RAB43: variants seen among roughly 807,000 people sequenced by gnomAD.
The protein encoded by RAB43 is RAB43, member RAS oncogene family, also known as ras-related protein Rab-43.
A neutral mutation model predicts 18.8 loss-of-function variants in RAB43; 6 were observed. That is an observed-to-expected ratio of 0.32 (90% CI 0.17 to 0.63). RAB43 has a LOEUF of 0.63. Ranked by LOEUF, RAB43 falls within the 30% of genes least tolerant of loss-of-function variation. The pLI is 0.79. For missense variants in RAB43, 195 were observed against 289.1 expected (o/e 0.67, Z 2.36); for synonymous variants, 103 against 124.1 (o/e 0.83, Z 1.13).
intron 1 of RAB43, among the ~76,000 whole-genome samples, chr3:129,102,370 C>T (rs1462491840): frequency 1.3e-5 from 2 of 152,168 alleles, no homozygotes; most frequent in East Asian, 1.9e-4. Context: ...GTGGCTCACA[C>T]CTGTAATCCC....
intron 1 of RAB43, among the ~76,000 whole-genome samples, chr3:129,107,000 A>G (rs1319468686): frequency 6.6e-6 from 1 of 152,204 alleles, no homozygotes; most frequent in African/African-American, 2.4e-5. Context: ...ACAGTAACCC[A>G]CGACGTTTTG....
At chr3:129,094,505 C>CTTTT (rs200896936) in intron 2 of RAB43, among the ~76,000 whole-genome samples, 1,795 of 69,128 alleles carry the variant, frequency 0.026, 528 homozygotes, top group Non-Finnish European at 0.036. Context: ...ATATAACTTT[C>CTTTT]TTTTTTTTTT....
intron 1 of RAB43, among the ~76,000 whole-genome samples, chr3:129,101,252 T>A (rs1045745376): frequency 6.6e-6 from 1 of 152,244 alleles, no homozygotes; most frequent in African/African-American, 2.4e-5. Flanking sequence ...CAAATGTTTT[T>A]AATATACACA....
At chr3:129,119,039 C>G (rs1283951676) in intron 1 of RAB43, among the ~76,000 whole-genome samples, 1 of 152,234 alleles carries the variant, frequency 6.6e-6, no homozygotes, top group African/African-American at 2.4e-5. Context: ...AATTCTCCAT[C>G]TTGATAGTGA....
chr3:129,110,567 G>A (rs564098038), intron 1 of RAB43, among the ~76,000 whole-genome samples: 11 of 152,122 alleles, frequency 7.2e-5, no homozygotes, highest in Non-Finnish European at 1.5e-4. Context: ...GGCTGGGCGC[G>A]GTGGCTCACG....
At chr3:129,102,942 C>A (rs2108000928) in intron 1 of RAB43, among the ~76,000 whole-genome samples, 1 of 152,284 alleles carries the variant, frequency 6.6e-6, no homozygotes, top group Admixed American at 6.5e-5. Flanking sequence ...ATCTTACCAT[C>A]TATTGGAGAG....
chr3:129,117,044 T>G, intron 1 of RAB43, among the ~76,000 whole-genome samples: 1 of 152,202 alleles, frequency 6.6e-6, no homozygotes, highest in East Asian at 1.9e-4. Flanking sequence ...TATATATTTA[T>G]AAATCCTTGT....
At position 129,092,739 on chromosome 3, in the gene RAB43, G is replaced by A. The variant is rs112445690; in HGVS notation, c.389-1393C>T. On this transcript the variant is annotated intron_variant, in intron 2 of 2. Coordinates refer to ENST00000315150, the MANE Select transcript of RAB43 (RefSeq NM_198490.3). ...TGGGAGGCTGAGGCGGGTGGATCAC[G>A]AGGTCAGGAAATCGAGACCATCCTG... 860 of 389,784 alleles carry A rather than the reference G, an allele frequency of 2.2e-3. 2 individuals carry two copies. Among genetic ancestry groups the A allele is most frequent in the African/African-American group, 0.016 (782 of 47,828 alleles). 24.1% of individuals were successfully genotyped at this position (389,784 alleles called of 1,614,324 possible). A position where few individuals can be genotyped will look rare whatever the true frequency, so the allele number is the denominator to read the frequency against.
At chr3:129,099,940 T>C (rs1934315733) in intron 1 of RAB43, among the ~76,000 whole-genome samples, 1 of 152,058 alleles carries the variant, frequency 6.6e-6, no homozygotes, top group Non-Finnish European at 1.5e-5. Context: ...AAGATAGTGA[T>C]AATGGGGGAA....
At chr3:129,120,694 G>C (rs191906616) in intron 1 of RAB43, among the ~76,000 whole-genome samples, 2 of 152,324 alleles carry the variant, frequency 1.3e-5, no homozygotes, top group African/African-American at 2.4e-5. Flanking sequence ...GGAGGGAACC[G>C]GGGCTGGCCC....
chr3:129,087,862 A>AC lies in RAB43; in HGVS notation c.*3233dup, dbSNP rs1933441322. 3 of 145,230 alleles carry AC rather than the reference A, an allele frequency of 2.1e-5. No homozygotes were observed. The East Asian group carries it at 6.2e-4, about 30-fold the overall frequency. The allele number at this position is 145,230 out of a possible 1,614,324, so 9.0% of individuals were successfully genotyped here. A position where few individuals can be genotyped will look rare whatever the true frequency, so the allele number is the denominator to read the frequency against. On this transcript the variant is annotated 3_prime_UTR_variant, in exon 3 of 3. Transcript: ENST00000315150. ...AAACTGAATTAAATGTGTATTAGGAACCCCTCCAGCTCCTTAAGCCAGCGT... is the reference window on the plus strand; with the variant it reads ...AAACTGAATTAAATGTGTATTAGGAACCCCCTCCAGCTCCTTAAGCCAGCGT...
intron 1 of RAB43, among the ~76,000 whole-genome samples, chr3:129,110,576 C>G (rs928770782): frequency 5.3e-5 from 8 of 152,054 alleles, no homozygotes; most frequent in African/African-American, 1.7e-4. Flanking sequence ...CGGTGGCTCA[C>G]GCCTGTAATC....
At chr3:129,091,673 C>CA (rs1933666712) in intron 2 of RAB43, among the ~76,000 whole-genome samples, 2 of 152,042 alleles carry the variant, frequency 1.3e-5, no homozygotes, top group African/African-American at 4.8e-5. Context: ...ACATTCCAAA[C>CA]AATCTGTTAA....
At chr3:129,109,367 G>A (rs1180979038) in intron 1 of RAB43, among the ~76,000 whole-genome samples, 6 of 147,036 alleles carry the variant, frequency 4.1e-5, no homozygotes, top group East Asian at 2.0e-4. Flanking sequence ...CCGAGGTTGC[G>A]CCACTACACT....
chr3:129,116,040 C>T (rs188150748), intron 1 of RAB43, among the ~76,000 whole-genome samples: 1 of 152,302 alleles, frequency 6.6e-6, no homozygotes, highest in African/African-American at 2.4e-5. Context: ...AATAGCGATG[C>T]TGGCATATTG....
Position 129,115,770 on chromosome 3 carries a change from G to A in RAB43, c.204+5516C>T, listed in dbSNP as rs2342287. ...TGGGAGGTGGAGGTTCCAGTGAGCCGAGATCACACCACTCCACTCCCTCCT... is the reference window on the plus strand; with the variant it reads ...TGGGAGGTGGAGGTTCCAGTGAGCCAAGATCACACCACTCCACTCCCTCCT... On this transcript the variant is annotated intron_variant, in intron 1 of 2. Transcript: ENST00000315150. Among the ~76,000 whole-genome samples the A allele has an allele frequency of 5.7e-3, 865 of 151,898 alleles. 3 individuals are homozygous for A. The highest frequency in any genetic ancestry group is 0.015 in the African/African-American group (615 of 41,386).
At chr3:129,103,075 G>A (rs1934532332) in intron 1 of RAB43, among the ~76,000 whole-genome samples, 1 of 152,232 alleles carries the variant, frequency 6.6e-6, no homozygotes. Flanking sequence ...CGACATTATA[G>A]AGAAAAGAGG....
chr3:129,110,567 G>C (rs564098038), intron 1 of RAB43, among the ~76,000 whole-genome samples: 2 of 152,242 alleles, frequency 1.3e-5, no homozygotes, highest in South Asian at 4.1e-4. Context: ...GGCTGGGCGC[G>C]GTGGCTCACG....
chr3:129,088,137 C>T lies in RAB43; in HGVS notation c.*2959G>A, dbSNP rs2107968830. 6.6e-6 allele frequency: 1 copy of T among 152,294 alleles called. No individual in the cohort carries two copies. The highest frequency in any genetic ancestry group is 1.5e-5 in the Non-Finnish European group (1 of 68,040). 9.4% of individuals were successfully genotyped at this position (152,294 alleles called of 1,614,324 possible). On this transcript the variant is annotated 3_prime_UTR_variant, in exon 3 of 3. Coordinates refer to ENST00000315150, the MANE Select transcript of RAB43 (RefSeq NM_198490.3). Reference sequence around the variant, plus strand: ...CTCACACACTTCCCCGTCTTCTCTCCCAGCCCAGTTTTAAGGGCCGGAAGG... The same window carrying T: ...CTCACACACTTCCCCGTCTTCTCTCTCAGCCCAGTTTTAAGGGCCGGAAGG...
Sources: gnomAD v4.1 joint callset for allele counts (sites outside exome capture counted in the v4.1 genomes callset) on GRCh38, gnomAD v4.1.1 for gene constraint, MANE v1.5 for transcripts, NCBI Gene and HGNC (gene_info 2026-07-23, HGNC 2026-07-21) for gene names.